Variants in UFL1 observed in about 807,000 individuals in gnomAD.
UFL1 encodes E3 UFM1-protein ligase 1.
Under a neutral mutation model 99.3 loss-of-function variants are expected in UFL1, and 78 were observed. The observed-to-expected ratio is 0.79, with a 90% CI of 0.65 to 0.95. The LOEUF is 0.95. Ranked by LOEUF, UFL1 falls within the 40% of genes least tolerant of loss-of-function variation. The pLI, the probability that UFL1 is intolerant of heterozygous loss-of-function variation, is 0.00. For missense variants in UFL1, 936 were observed against 937.0 expected (o/e 1.00, Z 0.01); for synonymous variants, 335 against 322.2 (o/e 1.04, Z -0.42).
At chr6:96,550,828 A>G (rs1392895436) in intron 15 of UFL1, among the ~76,000 whole-genome samples, 1 of 152,010 alleles carries the variant, frequency 6.6e-6, no homozygotes, top group Non-Finnish European at 1.5e-5. Flanking sequence ...GAGAGGCTAG[A>G]CAGGAGCAAC....
intron 9 of UFL1, 77 bp from the exon 10 acceptor site, chr6:96,538,554 C>A (rs1769886481): frequency 7.5e-7 from 1 of 1,338,722 alleles, no homozygotes; most frequent in Non-Finnish European, 1.0e-6. Context: ...CTAGAGAGAG[C>A]ATATATGTAT....
At chr6:96,525,167 T>G (rs1769681075) in intron 3 of UFL1, 130 bp from the exon 4 acceptor site, 1 of 647,026 alleles carries the variant, frequency 1.5e-6, no homozygotes, top group African/African-American at 1.9e-5. Context: ...CCTCCCAAAG[T>G]GCTGGAATCC....
intron 8 of UFL1, among the ~76,000 whole-genome samples, chr6:96,536,879 A>C (rs1334718238): frequency 6.6e-6 from 1 of 151,734 alleles, no homozygotes; most frequent in Non-Finnish European, 1.5e-5. Flanking sequence ...GTTAACTAAT[A>C]CTTTGGAAAC....
chr6:96,551,593 G>A (rs1188803166), intron 16 of UFL1, 80 bp downstream of exon 16: 1 of 1,059,378 alleles, frequency 9.4e-7, no homozygotes, highest in African/African-American at 1.7e-5. Flanking sequence ...TTTTATCAGA[G>A]TAATTGTAAA....
intron 2 of UFL1, among the ~76,000 whole-genome samples, chr6:96,523,554 T>C (rs1307929370): frequency 6.6e-6 from 1 of 152,216 alleles, no homozygotes; most frequent in East Asian, 1.9e-4. Context: ...ATTGTTTCTT[T>C]TTACAATTCA....
At chr6:96,525,260 A>G (rs1769682308) in intron 3 of UFL1, 37 bp from the exon 4 acceptor site, 1 of 1,445,444 alleles carries the variant, frequency 6.9e-7, no homozygotes, top group Admixed American at 1.9e-5. Context: ...GAAACAATAC[A>G]AACTAATCAT....
At chr6:96,548,998 C>G (rs2127953255) in intron 13 of UFL1, among the ~76,000 whole-genome samples, 1 of 151,510 alleles carries the variant, frequency 6.6e-6, no homozygotes, top group East Asian at 1.9e-4. Context: ...ATAGTTACTA[C>G]TAATCATTTT....
At chr6:96,543,159 C>A in intron 12 of UFL1, 143 bp downstream of exon 12, 1 of 895,022 alleles carries the variant, frequency 1.1e-6, no homozygotes, top group Non-Finnish European at 1.6e-6. Context: ...TCAGTTACCA[C>A]ACTTTAGTTA....
rs1769645803 is a variant in UFL1, at chr6:96,523,141, C to A, written c.78-5C>A. ...TTTTGAAACAACTTTTTTTCTTTCC[C>A]TCAGGTTGTCCGAGCGGAACTGCAT... On this transcript the variant is annotated splice_region_variant and splice_polypyrimidine_tract_variant and intron_variant, in intron 1 of 18. Transcript: ENST00000369278. The A allele has an allele frequency of 2.5e-6, 4 of 1,594,644 alleles. No individual in the cohort carries two copies. The highest frequency in any genetic ancestry group is 3.4e-6 in the Non-Finnish European group (4 of 1,172,400).
At chr6:96,551,796 G>A in intron 16 of UFL1, 42 bp from the exon 17 acceptor site, 1 of 1,309,466 alleles carries the variant, frequency 7.6e-7, no homozygotes, top group Non-Finnish European at 1.1e-6. Flanking sequence ...TCCTTATGCA[G>A]TTATATATAA....
intron 4 of UFL1, among the ~76,000 whole-genome samples, 171 bp downstream of exon 4, chr6:96,525,565 C>A (rs554069261): frequency 6.6e-6 from 1 of 151,530 alleles, no homozygotes; most frequent in Admixed American, 6.6e-5. Context: ...GTTTAAGCCA[C>A]ATATGGTGGC....
At chr6:96,533,684 T>C (rs920859927) in intron 6 of UFL1, among the ~76,000 whole-genome samples, 1 of 151,648 alleles carries the variant, frequency 6.6e-6, no homozygotes, top group African/African-American at 2.4e-5. Context: ...ATCATTGAAT[T>C]GTACACTTAA....
rs761621268 is a variant in UFL1, at chr6:96,521,950, G to C, written c.77G>C (p.Arg26Thr). The change falls in exon 1 of 19, where the codon AGG becomes ACG. Residue 26 changes from arginine (R) to threonine (T), a missense_variant and splice_region_variant. Arg to Thr is a moderately conservative substitution (Grantham distance 71). Coordinates refer to ENST00000369278, the MANE Select transcript of UFL1 (RefSeq NM_015323.5). ...QRAQFAEATQ[R>T]LSERNCIEIV... ...GCGCAGTTCGCCGAGGCCACGCAGAGGTGCCCGACCCTCCCTCTCCTTTGT... is the reference window on the plus strand; with the variant it reads ...GCGCAGTTCGCCGAGGCCACGCAGACGTGCCCGACCCTCCCTCTCCTTTGT... 1.2e-6 allele frequency: 2 copies of C among 1,611,226 alleles called. No individual in the cohort carries two copies.
intron 8 of UFL1, among the ~76,000 whole-genome samples, chr6:96,536,902 C>T (rs1039774604): frequency 6.6e-6 from 1 of 151,320 alleles, no homozygotes; most frequent in African/African-American, 2.4e-5. Flanking sequence ...TGAAGTTATT[C>T]TAAATTCTGT....
chr6:96,536,308 T>C lies in UFL1; in HGVS notation c.720T>C (p.Asp240=), dbSNP rs2127950899. 1.2e-6 allele frequency: 2 copies of C among 1,611,414 alleles called. No individual in the cohort carries two copies. Among genetic ancestry groups the C allele is most frequent in the East Asian group, 4.5e-5 (2 of 44,842 alleles). ...GCACTGTGGTTGGTGGGAGACAGGA[T>C]AAAGCTGTGTTTGTCCCTGACATCT... ...LRGTVVGGRQ[D]KAVFVPDIYS... The change falls in exon 8 of 19, where the codon GAT becomes GAC. Residue 240 remains aspartate, a synonymous_variant. Coordinates refer to ENST00000369278, the MANE Select transcript of UFL1 (RefSeq NM_015323.5).
At position 96,554,347 on chromosome 6, in the gene UFL1, A is replaced by G. The variant is rs748515564; in HGVS notation, c.*844A>G. ...CTCTGTCACATAATACTTTGTAAATACTAGTGTGAAAAACAGATAGGATGC... is the reference window on the plus strand; with the variant it reads ...CTCTGTCACATAATACTTTGTAAATGCTAGTGTGAAAAACAGATAGGATGC... On this transcript the variant is annotated 3_prime_UTR_variant, in exon 19 of 19. Transcript: ENST00000369278. The G allele has an allele frequency of 1.3e-5, 2 of 152,206 alleles. No homozygotes were observed. Among genetic ancestry groups the G allele is most frequent in the Non-Finnish European group, 2.9e-5 (2 of 68,042 alleles). 9.4% of individuals were successfully genotyped at this position (152,206 alleles called of 1,614,324 possible).
chr6:96,530,363 C>G (rs1489992186), intron 6 of UFL1, among the ~76,000 whole-genome samples: 1 of 152,106 alleles, frequency 6.6e-6, no homozygotes, highest in African/African-American at 2.4e-5. Flanking sequence ...TCAGAAATAA[C>G]ACTATATTCT....
chr6:96,552,665 A>G lies in UFL1; in HGVS notation c.2166+3A>G, dbSNP rs202217723. ...TTCTTAATAGTAAAATTCCAGAGGT[A>G]TTACATTTTCAATACACTTGAAACT... On this transcript the variant is annotated splice_donor_region_variant and intron_variant, in intron 18 of 18. Transcript: ENST00000369278. 4.8e-5 allele frequency: 77 copies of G among 1,588,990 alleles called. No homozygotes were observed. The highest frequency in any genetic ancestry group is 4.2e-5 in the Non-Finnish European group (49 of 1,172,374).
At chr6:96,543,541 A>G in intron 12 of UFL1, among the ~76,000 whole-genome samples, 1 of 151,242 alleles carries the variant, frequency 6.6e-6, no homozygotes, top group East Asian at 1.9e-4. Flanking sequence ...GGAATCAAGC[A>G]TAAATGGAGT....
Sources: gnomAD v4.1 joint callset for allele counts (sites outside exome capture counted in the v4.1 genomes callset) on GRCh38, gnomAD v4.1.1 for gene constraint, MANE v1.5 for transcripts, NCBI Gene and HGNC (gene_info 2026-07-23, HGNC 2026-07-21) for gene names.